Variants in NOMO2 observed in about 807,000 individuals in gnomAD.
NOMO2 encodes NODAL modulator 2, also known as BOS complex subunit NOMO2.
Under a neutral mutation model 67.1 loss-of-function variants are expected in NOMO2, and 14 were observed. The ratio of observed to expected loss-of-function variants is 0.21; its 90% CI spans 0.14 to 0.33. NOMO2 has a LOEUF of 0.33. Ranked by LOEUF, NOMO2 falls within the 10% of genes least tolerant of loss-of-function variation. The pLI is 1.00. For missense variants in NOMO2, 178 were observed against 761.0 expected, an observed-to-expected ratio of 0.23 and a Z score of 9.01; for synonymous variants, 80 against 305.9, an observed-to-expected ratio of 0.26 and a Z score of 7.71.
intron 3 of NOMO2, among the ~76,000 whole-genome samples, 168 bp downstream of exon 3, chr16:18,554,639 G>A (rs1358924980): frequency 5.1e-4 from 70 of 138,010 alleles, no homozygotes; most frequent in African/African-American, 1.9e-3. Flanking sequence ...AGGTAAATCC[G>A]AACTAAACCA....
At chr16:18,543,131 T>A (rs2141738677) in intron 7 of NOMO2, among the ~76,000 whole-genome samples, 1 of 137,546 alleles carries the variant, frequency 7.3e-6, no homozygotes, top group South Asian at 2.5e-4. Context: ...TGCCTCCCAG[T>A]GTAGATGTGC....
chr16:18,528,615 G>C lies in NOMO2; in HGVS notation c.1806+886C>G, dbSNP rs375811721. Reference sequence around the variant, plus strand: ...AGGCCACAGAGACCACAATCAACAAGAAGCTAAGATCCTGTTTACAGCTTC... The same window carrying C: ...AGGCCACAGAGACCACAATCAACAACAAGCTAAGATCCTGTTTACAGCTTC... On this transcript the variant is annotated intron_variant, in intron 15 of 30. Transcript: ENST00000622306. Among the ~76,000 whole-genome samples the C allele has an allele frequency of 1.1e-3, 164 of 151,932 alleles. 1 individual carries two copies. Among genetic ancestry groups the C allele is most frequent in the Non-Finnish European group, 1.5e-3 (104 of 67,972 alleles).
At chr16:18,536,682 C>T (rs1332145768) in intron 11 of NOMO2, among the ~76,000 whole-genome samples, 3 of 152,206 alleles carry the variant, frequency 2.0e-5, no homozygotes, top group African/African-American at 7.2e-5. Context: ...CAGTCTGTCT[C>T]CCTGGAAGGG....
At chr16:18,528,257 A>G (rs1901194498) in intron 15 of NOMO2, among the ~76,000 whole-genome samples, 2 of 149,232 alleles carry the variant, frequency 1.3e-5, no homozygotes, top group Admixed American at 6.7e-5. Context: ...GGGTTAAGGA[A>G]GTGTCAAAAA....
intron 6 of NOMO2, among the ~76,000 whole-genome samples, chr16:18,544,397 G>A (rs958403178): frequency 6.6e-6 from 1 of 151,670 alleles, no homozygotes; most frequent in African/African-American, 2.4e-5. Context: ...ATGATATACA[G>A]TGTTAACTGA....
chr16:18,554,569 G>C (rs1567246754), intron 3 of NOMO2, among the ~76,000 whole-genome samples: 1 of 148,846 alleles, frequency 6.7e-6, no homozygotes, highest in Non-Finnish European at 1.5e-5. Flanking sequence ...AGAGTTTCCA[G>C]AAAGGTAGAA....
At position 18,562,048 on chromosome 16, in the gene NOMO2, C is replaced by T; in HGVS notation, c.-8G>A. The T allele has an allele frequency of 6.7e-7, 1 of 1,490,902 alleles. No individual in the cohort carries two copies. 92.4% of individuals were successfully genotyped at this position (1,490,902 alleles called of 1,614,324 possible). On this transcript the variant is annotated 5_prime_UTR_variant, in exon 1 of 31. Transcript: ENST00000622306. ...GCCCTGGCCCACCAGCATGGCCCGA[C>T]CTCCCCCAGCTAGACCCACCGCCGG...
At chr16:18,561,252 C>CAATCAGG (rs1473834703) in intron 1 of NOMO2, among the ~76,000 whole-genome samples, 1 of 134,800 alleles carries the variant, frequency 7.4e-6, no homozygotes, top group Non-Finnish European at 1.5e-5. Context: ...CTCATTAAGG[C>CAATCAGG]AATCAGGGCA....
chr16:18,556,257 C>G (rs1205217297), intron 2 of NOMO2, among the ~76,000 whole-genome samples: 2 of 149,922 alleles, frequency 1.3e-5, no homozygotes, highest in African/African-American at 4.9e-5. Flanking sequence ...TCAAAACCAG[C>G]CTGGCCAACA....
intron 11 of NOMO2, among the ~76,000 whole-genome samples, chr16:18,536,003 G>A (rs932269987): frequency 2.1e-4 from 32 of 151,952 alleles, no homozygotes; most frequent in Admixed American, 3.9e-4. Flanking sequence ...TCACCATGCT[G>A]GCCAGGCTGC....
chr16:18,534,086 T>G (rs905638916), intron 11 of NOMO2, among the ~76,000 whole-genome samples: 2 of 151,970 alleles, frequency 1.3e-5, no homozygotes, highest in African/African-American at 2.4e-5. Context: ...AGGGGTACAT[T>G]AAATGTTGGA....
chr16:18,547,592 G>C (rs887587648), intron 5 of NOMO2, among the ~76,000 whole-genome samples: 70 of 151,986 alleles, frequency 4.6e-4, no homozygotes, highest in Non-Finnish European at 5.9e-5. Context: ...AATCCTTGTA[G>C]CACAGCAGGG....
At chr16:18,536,127 T>C (rs1323175065) in intron 11 of NOMO2, among the ~76,000 whole-genome samples, 1 of 152,076 alleles carries the variant, frequency 6.6e-6, no homozygotes, top group Non-Finnish European at 1.5e-5. Context: ...GGGTTTCCAC[T>C]GCATTAGGGA....
At chr16:18,526,372 G>A (rs1002848286) in intron 16 of NOMO2, among the ~76,000 whole-genome samples, 9 of 152,092 alleles carry the variant, frequency 5.9e-5, no homozygotes, top group Non-Finnish European at 8.8e-5. Context: ...TTCTTAAAAG[G>A]TTAAACATAA....
intron 14 of NOMO2, 148 bp from the exon 15 acceptor site, chr16:18,529,785 T>C: frequency 3.3e-6 from 2 of 610,752 alleles, no homozygotes; most frequent in Admixed American, 3.0e-5. Context: ...CATACATATA[T>C]TTATAACTAG....
At chr16:18,540,328 T>G (rs1172972060) in intron 9 of NOMO2, among the ~76,000 whole-genome samples, 19 of 150,960 alleles carry the variant, frequency 1.3e-4, no homozygotes, top group Non-Finnish European at 2.2e-4. Context: ...ACATATGTAC[T>G]CAACAAATAT....
chr16:18,553,250 C>T (rs544245663), intron 3 of NOMO2, among the ~76,000 whole-genome samples: 8 of 150,796 alleles, frequency 5.3e-5, no homozygotes, highest in East Asian at 3.9e-4. Flanking sequence ...GGCAACAGAG[C>T]GAGACTCAGT....
chr16:18,548,336 G>A (rs1385513742), intron 5 of NOMO2, among the ~76,000 whole-genome samples: 1 of 151,676 alleles, frequency 6.6e-6, no homozygotes, highest in East Asian at 1.9e-4. Flanking sequence ...AGAGGCACCA[G>A]TCAAGCAGAA....
chr16:18,555,508 A>G (rs1293962646), intron 2 of NOMO2, among the ~76,000 whole-genome samples: 2 of 150,352 alleles, frequency 1.3e-5, no homozygotes, highest in Non-Finnish European at 3.0e-5. Flanking sequence ...GCACTCCAGC[A>G]TGGGCAGCGG....
Sources: gnomAD v4.1 joint callset for allele counts (sites outside exome capture counted in the v4.1 genomes callset) on GRCh38, gnomAD v4.1.1 for gene constraint, MANE v1.5 for transcripts, NCBI Gene and HGNC (gene_info 2026-07-23, HGNC 2026-07-21) for gene names.